CAMK1D: variants seen among roughly 807,000 people sequenced by gnomAD.
CAMK1D encodes the protein calcium/calmodulin-dependent protein kinase type 1D.
In CAMK1D, 9 loss-of-function variants were observed where a neutral mutation model predicts 47.7. The ratio of observed to expected loss-of-function variants is 0.19; its 90% CI spans 0.11 to 0.33. The LOEUF is 0.33. Ranked by LOEUF, CAMK1D falls within the 10% of genes least tolerant of loss-of-function variation. The probability of loss-of-function intolerance (pLI) is 1.00; values close to 1 mark genes in which losing one functional copy is unlikely to be tolerated. For missense variants in CAMK1D, 291 were observed against 488.7 expected, an observed-to-expected ratio of 0.60 and a Z score of 3.81; for synonymous variants, 184 against 184.9, an observed-to-expected ratio of 0.99 and a Z score of 0.04.
chr10:12,474,051 A>G (rs1171534903), intron 1 of CAMK1D, among the ~76,000 whole-genome samples: 1 of 152,076 alleles, frequency 6.6e-6, no homozygotes, highest in Non-Finnish European at 1.5e-5. Context: ...GTCCCCTTGG[A>G]CTTCCTTTTT....
chr10:12,395,150 C>T (rs945733548), intron 1 of CAMK1D, among the ~76,000 whole-genome samples: 1 of 146,352 alleles, frequency 6.8e-6, no homozygotes. Flanking sequence ...TAGCTAACTG[C>T]AGCCTCCAAC....
intron 2 of CAMK1D, among the ~76,000 whole-genome samples, chr10:12,557,861 T>C (rs1836815828): frequency 6.6e-6 from 1 of 152,226 alleles, no homozygotes; most frequent in South Asian, 2.1e-4. Flanking sequence ...GCTGAGTTTA[T>C]TGTAGGCTGA....
chr10:12,470,483 A>G (rs1414956093), intron 1 of CAMK1D, among the ~76,000 whole-genome samples: 1 of 151,942 alleles, frequency 6.6e-6, no homozygotes. Flanking sequence ...AAATCCCTAA[A>G]ATACTGTGTA....
intron 2 of CAMK1D, among the ~76,000 whole-genome samples, chr10:12,601,796 C>T (rs1166169577): frequency 5.9e-5 from 9 of 152,192 alleles, no homozygotes; most frequent in African/African-American, 1.7e-4. Flanking sequence ...ATTCTAAACA[C>T]AGTGGCAAGC....
At chr10:12,663,799 A>G (rs1246511755) in intron 2 of CAMK1D, among the ~76,000 whole-genome samples, 1 of 152,192 alleles carries the variant, frequency 6.6e-6, no homozygotes, top group African/African-American at 2.4e-5. Context: ...GGATAGTCGT[A>G]TGGCATTTTT....
At chr10:12,561,187 G>A (rs908482957) in intron 2 of CAMK1D, among the ~76,000 whole-genome samples, 1 of 152,076 alleles carries the variant, frequency 6.6e-6, no homozygotes, top group Non-Finnish European at 1.5e-5. Flanking sequence ...AAAGTGCTGG[G>A]ATTACAGGCG....
chr10:12,671,942 GT>G (rs1840633008), intron 3 of CAMK1D, among the ~76,000 whole-genome samples: 1 of 135,924 alleles, frequency 7.4e-6, no homozygotes, highest in Admixed American at 7.7e-5. Context: ...TTAAGATGGA[GT>G]CTCAGTCTGT....
At chr10:12,766,735 A>C (rs1310576616) in intron 4 of CAMK1D, among the ~76,000 whole-genome samples, 1 of 152,062 alleles carries the variant, frequency 6.6e-6, no homozygotes, top group East Asian at 1.9e-4. Flanking sequence ...GCCTGGCTTC[A>C]GCAGGAGTCC....
Position 12,680,829 on chromosome 10 carries a change from G to A in CAMK1D, c.299+14019G>A, listed in dbSNP as rs1285596787. ...GCACCCAGGAATTCAAGGTTACAGT[G>A]AGCTATGATGGCACCACTTCATTCC... On this transcript the variant is annotated intron_variant, in intron 3 of 10. Coordinates refer to ENST00000619168, the MANE Select transcript of CAMK1D (RefSeq NM_153498.4). Among the ~76,000 whole-genome samples, 102 of 150,968 alleles carry A rather than the reference G, an allele frequency of 6.8e-4. 1 individual carries two copies. The highest frequency in any genetic ancestry group is 1.0e-4 in the Non-Finnish European group (7 of 67,904).
At chr10:12,363,637 A>C (rs1471730685) in intron 1 of CAMK1D, among the ~76,000 whole-genome samples, 2 of 149,286 alleles carry the variant, frequency 1.3e-5, no homozygotes, top group Admixed American at 6.7e-5. Flanking sequence ...ATATATGTTC[A>C]GTTCAGACAC....
chr10:12,631,613 C>T (rs1839380598), intron 2 of CAMK1D, among the ~76,000 whole-genome samples: 1 of 151,986 alleles, frequency 6.6e-6, no homozygotes, highest in South Asian at 2.1e-4. Flanking sequence ...CGTGGCTGGA[C>T]AGCTATTGAG....
At chr10:12,401,273 G>A (rs2954991) in intron 1 of CAMK1D, among the ~76,000 whole-genome samples, 630 of 9,352 alleles carry the variant, frequency 0.067, 30 homozygotes, top group Admixed American at 0.083. Flanking sequence ...TATATATTAT[G>A]TATATATTTT....
At chr10:12,668,869 C>T (rs968444379) in intron 3 of CAMK1D, among the ~76,000 whole-genome samples, 1 of 152,092 alleles carries the variant, frequency 6.6e-6, no homozygotes, top group Admixed American at 6.5e-5. Flanking sequence ...CCTGCCCTTC[C>T]CTGAGCTTTT....
intron 3 of CAMK1D, among the ~76,000 whole-genome samples, chr10:12,689,023 G>C (rs1832768372): frequency 6.6e-6 from 1 of 152,238 alleles, no homozygotes; most frequent in African/African-American, 2.4e-5. Context: ...AGGCTTCTGA[G>C]GGAGAAAATA....
intron 3 of CAMK1D, among the ~76,000 whole-genome samples, chr10:12,693,631 C>T (rs188952293): frequency 1.3e-5 from 2 of 151,524 alleles, no homozygotes; most frequent in Admixed American, 6.6e-5. Flanking sequence ...GACCCTGTCC[C>T]CCCCTAAAAA....
intron 1 of CAMK1D, among the ~76,000 whole-genome samples, chr10:12,366,026 A>C (rs1394132553): frequency 6.6e-6 from 1 of 152,246 alleles, no homozygotes; most frequent in Non-Finnish European, 1.5e-5. Flanking sequence ...AATGCACTCC[A>C]GTCTGGGTGA....
intron 1 of CAMK1D, among the ~76,000 whole-genome samples, chr10:12,549,328 C>G (rs1239379409): frequency 6.6e-6 from 1 of 152,200 alleles, no homozygotes; most frequent in Non-Finnish European, 1.5e-5. Context: ...CTTTTTGTAT[C>G]TGATTTATTT....
chr10:12,525,813 A>G (rs1201736181), intron 1 of CAMK1D, among the ~76,000 whole-genome samples: 2 of 152,266 alleles, frequency 1.3e-5, no homozygotes, highest in South Asian at 4.1e-4. Flanking sequence ...ACTGGAATGT[A>G]GTGGCGTGAT....
intron 3 of CAMK1D, among the ~76,000 whole-genome samples, chr10:12,750,782 G>A (rs1835907670): frequency 6.6e-6 from 1 of 152,226 alleles, no homozygotes. Flanking sequence ...CAGATGCCAT[G>A]GCTCACGCCT....
Sources: allele counts gnomAD v4.1 joint callset (sites outside exome capture counted in the v4.1 genomes callset), GRCh38; gene constraint gnomAD v4.1.1; transcripts MANE v1.5; gene names NCBI Gene and HGNC (gene_info 2026-07-23, HGNC 2026-07-21).